Variants in RTTN observed in about 807,000 individuals in gnomAD.
The protein encoded by RTTN is rotatin.
A neutral mutation model predicts 269.2 loss-of-function variants in RTTN; 182 were observed. That is an observed-to-expected ratio of 0.68 (90% CI 0.60 to 0.76). The LOEUF (loss-of-function observed/expected upper bound fraction) is 0.76, where lower values mean the gene tolerates loss of function less well. Ranked by LOEUF, RTTN falls within the 30% of genes least tolerant of loss-of-function variation. The pLI is 0.00. For missense variants in RTTN, 2,545 were observed against 2,608.6 expected (o/e 0.98, Z 0.53); for synonymous variants, 1,006 against 963.5 (o/e 1.04, Z -0.82).
chr18:70,150,265 T>C, intron 15 of RTTN, 178 bp from the exon 16 acceptor site: 1 of 578,316 alleles, frequency 1.7e-6, no homozygotes, highest in Non-Finnish European at 3.1e-6. Flanking sequence ...TTCCTTAATA[T>C]TTCTAATTTT....
chr18:70,016,281 A>G (rs1247833146), intron 46 of RTTN, among the ~76,000 whole-genome samples: 1 of 152,250 alleles, frequency 6.6e-6, no homozygotes, highest in African/African-American at 2.4e-5. Context: ...TGCTTCTGAG[A>G]AAAGTTTAAG....
intron 19 of RTTN, among the ~76,000 whole-genome samples, chr18:70,140,980 T>C (rs950520554): frequency 6.6e-6 from 1 of 151,994 alleles, no homozygotes; most frequent in African/African-American, 2.4e-5. Flanking sequence ...TAGCTGCTAC[T>C]TAAAAAAAAA....
At chr18:70,165,983 T>G in intron 14 of RTTN, 79 bp downstream of exon 14, 1 of 1,410,172 alleles carries the variant, frequency 7.1e-7, no homozygotes, top group Non-Finnish European at 9.7e-7. Context: ...AAAGGTCAAG[T>G]AAATTAAGTT....
intron 27 of RTTN, among the ~76,000 whole-genome samples, chr18:70,112,585 G>C (rs536010799): frequency 1.3e-5 from 2 of 149,490 alleles, no homozygotes; most frequent in Non-Finnish European, 3.0e-5. Flanking sequence ...ACTACATAAT[G>C]ATAAAGGGAT....
intron 14 of RTTN, among the ~76,000 whole-genome samples, chr18:70,156,923 G>A (rs2060693594): frequency 6.6e-6 from 1 of 152,112 alleles, no homozygotes; most frequent in African/African-American, 2.4e-5. Flanking sequence ...CACCCTGTCT[G>A]CCAGCCTCTC....
chr18:70,041,881 C>T (rs1006950552), intron 40 of RTTN, among the ~76,000 whole-genome samples: 8 of 151,926 alleles, frequency 5.3e-5, no homozygotes, highest in African/African-American at 1.5e-4. Context: ...ATCAGAAGAC[C>T]ATTCTCCAGG....
chr18:70,186,819 G>A (rs1360656355), intron 10 of RTTN, among the ~76,000 whole-genome samples: 2 of 152,130 alleles, frequency 1.3e-5, no homozygotes, highest in Non-Finnish European at 2.9e-5. Context: ...GCTAAACAAT[G>A]AGAACACATG....
chr18:70,035,935 A>G (rs147794202), intron 40 of RTTN, among the ~76,000 whole-genome samples: 4 of 152,358 alleles, frequency 2.6e-5, no homozygotes, highest in African/African-American at 9.6e-5. Flanking sequence ...CACATTGCCA[A>G]CAAGCACATG....
In RTTN at chr18:70,017,529, C is replaced by G; in HGVS notation, c.6299G>C (p.Gly2100Ala). The G allele has an allele frequency of 6.2e-7, 1 of 1,614,052 alleles. No individual in the cohort carries two copies. The highest frequency in any genetic ancestry group is 8.5e-7 in the Non-Finnish European group (1 of 1,179,976). The change falls in exon 46 of 49, where the codon GGC becomes GCC. Residue 2100 changes from glycine to alanine, a missense_variant. Transcript: ENST00000640769. ...DGQQMILRLD[G>A]CLDLLTEMSK... Reference sequence around the variant, plus strand: ...CATCTCTGTTAGTAAGTCTAGACAGCCATCAAGCCTCAGAATCATTTGTTG... The same window carrying G: ...CATCTCTGTTAGTAAGTCTAGACAGGCATCAAGCCTCAGAATCATTTGTTG...
intron 37 of RTTN, 56 bp from the exon 38 acceptor site, chr18:70,054,340 A>C: frequency 6.7e-7 from 1 of 1,485,416 alleles, no homozygotes; most frequent in Non-Finnish European, 9.1e-7. Context: ...AGCCCATCTC[A>C]GTGATACAGC....
At chr18:70,192,791 CTT>C (rs1405695435) in intron 8 of RTTN, among the ~76,000 whole-genome samples, 1 of 151,854 alleles carries the variant, frequency 6.6e-6, no homozygotes, top group East Asian at 1.9e-4. Flanking sequence ...ACAGTAAACA[CTT>C]ATCCATTTGT....
chr18:70,184,716 T>TTTATGTG lies in RTTN; in HGVS notation c.1305+3391_1305+3392insCACATAA, dbSNP rs59000945. ...AAACCACAGCAGGTTTTTTTTTTTT[T>TTTATGTG]TGTGTGTGTGTGTGTGTGTGTGTGT... On this transcript the variant is annotated intron_variant, in intron 10 of 48. Coordinates refer to ENST00000640769, the MANE Select transcript of RTTN (RefSeq NM_173630.4). Among the ~76,000 whole-genome samples, 2 of 33,428 alleles carry TTTATGTG rather than the reference T, an allele frequency of 6.0e-5. 1 individual carries two copies. The highest frequency in any genetic ancestry group is 8.9e-4 in the Admixed American group (2 of 2,244). 21.9% of individuals were successfully genotyped at this position (33,428 alleles called of 152,430 possible).
At chr18:70,174,147 TA>T (rs10711584) in intron 11 of RTTN, among the ~76,000 whole-genome samples, 105,289 of 142,324 alleles carry the variant, frequency 0.74, 42,986 homozygotes, top group East Asian at 0.99. Context: ...TATGAAAGTT[TA>T]AAAAAAAAAA....
chr18:70,151,094 C>T (rs2060524894), intron 14 of RTTN, among the ~76,000 whole-genome samples: 2 of 149,874 alleles, frequency 1.3e-5, no homozygotes, highest in South Asian at 4.2e-4. Flanking sequence ...AAAAATTCAA[C>T]ATGAAAAGAC....
intron 36 of RTTN, among the ~76,000 whole-genome samples, chr18:70,058,598 G>A (rs956784514): frequency 2.6e-5 from 4 of 152,076 alleles, no homozygotes; most frequent in African/African-American, 4.8e-5. Flanking sequence ...AAACAGGTAC[G>A]GAAATATGAT....
At chr18:70,047,280 A>G (rs2057517246) in intron 40 of RTTN, among the ~76,000 whole-genome samples, 1 of 152,240 alleles carries the variant, frequency 6.6e-6, no homozygotes, top group Non-Finnish European at 1.5e-5. Context: ...AAAAAGAATA[A>G]TTCTAAATAC....
intron 14 of RTTN, among the ~76,000 whole-genome samples, chr18:70,151,220 T>C (rs1442229660): frequency 2.0e-5 from 3 of 146,686 alleles, no homozygotes; most frequent in African/African-American, 7.6e-5. Context: ...TTATATATAA[T>C]TTTTTATGCT....
intron 18 of RTTN, among the ~76,000 whole-genome samples, chr18:70,144,937 G>C (rs1478929826): frequency 6.6e-6 from 1 of 152,214 alleles, no homozygotes; most frequent in Non-Finnish European, 1.5e-5. Flanking sequence ...CAGTGGACTA[G>C]TGGACAGCTT....
intron 11 of RTTN, among the ~76,000 whole-genome samples, chr18:70,174,025 T>C (rs1599904647): frequency 6.6e-6 from 1 of 151,632 alleles, no homozygotes; most frequent in East Asian, 1.9e-4. Flanking sequence ...AGAGAAGGGG[T>C]CTTTGGAATG....
Sources: gnomAD v4.1 joint callset for allele counts (sites outside exome capture counted in the v4.1 genomes callset) on GRCh38, gnomAD v4.1.1 for gene constraint, MANE v1.5 for transcripts, NCBI Gene and HGNC (gene_info 2026-07-23, HGNC 2026-07-21) for gene names.